Variants in NUMB observed in about 807,000 individuals in gnomAD.
NUMB encodes NUMB endocytic adaptor protein.
Under a neutral mutation model 59.7 loss-of-function variants are expected in NUMB, and 29 were observed. The observed-to-expected ratio is 0.49, with a 90% CI of 0.36 to 0.66. The LOEUF is 0.66. NUMB is among the 30% of genes least tolerant of loss of function. The pLI is 0.00. For synonymous variants in NUMB, 288 were observed against 288.2 expected, an observed-to-expected ratio of 1.00 and a Z score of 0.01; for missense variants, 723 against 822.0, an observed-to-expected ratio of 0.88 and a Z score of 1.47.
chr14:73,440,816 AG>A (rs1566798592), intron 1 of NUMB, among the ~76,000 whole-genome samples: 57 of 126,630 alleles, frequency 4.5e-4, no homozygotes, highest in Non-Finnish European at 7.0e-4. Flanking sequence ...TGACAGAGCG[AG>A]ACTCCGTCTC....
intron 1 of NUMB, among the ~76,000 whole-genome samples, chr14:73,425,278 CTG>C (rs1410172321): frequency 5.9e-5 from 9 of 152,100 alleles, no homozygotes; most frequent in African/African-American, 2.2e-4. Flanking sequence ...ATAAAGCACT[CTG>C]TTACATTGAA....
At chr14:73,316,956 A>T (rs1331962281) in intron 5 of NUMB, among the ~76,000 whole-genome samples, 1 of 152,226 alleles carries the variant, frequency 6.6e-6, no homozygotes, top group Non-Finnish European at 1.5e-5. Context: ...TATGCATCAA[A>T]GGTCCTTGTC....
intron 1 of NUMB, among the ~76,000 whole-genome samples, chr14:73,426,325 C>T (rs952369729): frequency 2.6e-5 from 4 of 152,152 alleles, no homozygotes; most frequent in African/African-American, 9.7e-5. Context: ...CCTCTGAAGC[C>T]AGAGGCCTAC....
intron 2 of NUMB, among the ~76,000 whole-genome samples, chr14:73,386,982 G>A (rs1043519541): frequency 7.1e-6 from 1 of 140,814 alleles, no homozygotes; most frequent in South Asian, 2.3e-4. Flanking sequence ...CCGGGTTCAC[G>A]CCATTCTCCT....
At chr14:73,420,533 T>C (rs1399222798) in intron 1 of NUMB, among the ~76,000 whole-genome samples, 1 of 152,144 alleles carries the variant, frequency 6.6e-6, no homozygotes, top group East Asian at 1.9e-4. Flanking sequence ...AAAAATTCAT[T>C]GTTAGGCCAG....
intron 2 of NUMB, among the ~76,000 whole-genome samples, chr14:73,370,761 A>C (rs1326096756): frequency 6.6e-6 from 1 of 152,118 alleles, no homozygotes; most frequent in African/African-American, 2.4e-5. Context: ...CTGCATGATC[A>C]GCATTTCCTT....
chr14:73,322,732 A>G (rs1376153657), intron 5 of NUMB: 1 of 152,436 alleles, frequency 6.6e-6, no homozygotes, highest in African/African-American at 2.4e-5. Context: ...TGGGTTATAA[A>G]TCAAAAGTAC....
chr14:73,338,044 G>A (rs1372215701), intron 4 of NUMB, among the ~76,000 whole-genome samples: 1 of 152,088 alleles, frequency 6.6e-6, no homozygotes, highest in Non-Finnish European at 1.5e-5. Flanking sequence ...CAGCACTTTG[G>A]GAAGCTGAGG....
At chr14:73,456,503 T>A (rs1029048259) in intron 1 of NUMB, among the ~76,000 whole-genome samples, 1 of 152,246 alleles carries the variant, frequency 6.6e-6, no homozygotes, top group African/African-American at 2.4e-5. Flanking sequence ...AGTACATACA[T>A]GTAGGAGAAA....
At chr14:73,426,869 C>T (rs768033106) in intron 1 of NUMB, among the ~76,000 whole-genome samples, 13 of 151,574 alleles carry the variant, frequency 8.6e-5, no homozygotes, top group Non-Finnish European at 1.5e-4. Flanking sequence ...AAAAAATTAG[C>T]CAGGCATGGT....
chr14:73,367,372 G>GAGAGAGAA (rs1894416921), intron 2 of NUMB, among the ~76,000 whole-genome samples: 1 of 148,862 alleles, frequency 6.7e-6, no homozygotes, highest in South Asian at 2.1e-4. Context: ...GAGAGAGAGA[G>GAGAGAGAA]AGACAAATAG....
At chr14:73,395,579 C>G (rs1225103550) in intron 2 of NUMB, among the ~76,000 whole-genome samples, 2 of 152,060 alleles carry the variant, frequency 1.3e-5, no homozygotes, top group Middle Eastern at 3.2e-3. Context: ...CGTGATCATA[C>G]CACTGCACTC....
intron 6 of NUMB, among the ~76,000 whole-genome samples, chr14:73,302,434 T>C (rs942711694): frequency 2.7e-5 from 4 of 148,460 alleles, no homozygotes. Flanking sequence ...TTGAGACGAG[T>C]CTTACTCTGT....
intron 4 of NUMB, among the ~76,000 whole-genome samples, chr14:73,328,653 T>A (rs1201429549): frequency 1.3e-5 from 2 of 152,256 alleles, no homozygotes; most frequent in Non-Finnish European, 2.9e-5. Context: ...ATATCCCTAA[T>A]GACTGATAGT....
intron 4 of NUMB, among the ~76,000 whole-genome samples, chr14:73,331,205 C>G (rs937043421): frequency 6.6e-6 from 1 of 152,142 alleles, no homozygotes; most frequent in African/African-American, 2.4e-5. Context: ...GTCATCTTTA[C>G]TGATGCTAAA....
Position 73,276,523 on chromosome 14 carries a change from C to G in NUMB, c.*55G>C. The G allele has an allele frequency of 8.4e-6, 12 of 1,425,332 alleles. No homozygotes were observed. The highest frequency in any genetic ancestry group is 1.1e-5 in the Non-Finnish European group (11 of 1,033,022). The allele number at this position is 1,425,332 out of a possible 1,614,324, so 88.3% of individuals were successfully genotyped here. A position where few individuals can be genotyped will look rare whatever the true frequency, so the allele number is the denominator to read the frequency against. ...ACAAAGTCTGTTTTGCTCCTTTGAC[C>G]GCTACCCCCTGCTCCCTGTCTGGTA... On this transcript the variant is annotated 3_prime_UTR_variant, in exon 13 of 13. Coordinates refer to ENST00000555238, the MANE Select transcript of NUMB (RefSeq NM_001005743.2).
intron 1 of NUMB, among the ~76,000 whole-genome samples, chr14:73,445,305 T>C (rs1883391925): frequency 7.6e-6 from 1 of 131,066 alleles, no homozygotes; most frequent in South Asian, 2.4e-4. Flanking sequence ...CAGTTAGCTA[T>C]GATGGTGCCA....
At chr14:73,436,750 G>A (rs950431653) in intron 1 of NUMB, among the ~76,000 whole-genome samples, 9 of 151,852 alleles carry the variant, frequency 5.9e-5, no homozygotes, top group African/African-American at 2.2e-4. Context: ...GGAGGCTGAG[G>A]CGGGCGGATC....
chr14:73,427,975 A>G (rs1319177792), intron 1 of NUMB, among the ~76,000 whole-genome samples: 1 of 152,228 alleles, frequency 6.6e-6, no homozygotes, highest in Non-Finnish European at 1.5e-5. Flanking sequence ...AGTTAAAGAA[A>G]AGTGTCTTTA....
Sources: gnomAD v4.1 joint callset for allele counts (sites outside exome capture counted in the v4.1 genomes callset) on GRCh38, gnomAD v4.1.1 for gene constraint, MANE v1.5 for transcripts, NCBI Gene and HGNC (gene_info 2026-07-23, HGNC 2026-07-21) for gene names.